KIF1B: variants seen among roughly 807,000 people sequenced by gnomAD.
KIF1B encodes kinesin family member 1B, also known as kinesin-like protein KIF1B.
A neutral mutation model predicts 241.9 loss-of-function variants in KIF1B; 76 were observed. The observed-to-expected ratio is 0.31, with a 90% CI of 0.26 to 0.38. The LOEUF is 0.38. Ranked by LOEUF, KIF1B falls within the 10% of genes least tolerant of loss-of-function variation. The pLI is 1.00. For synonymous variants in KIF1B, 750 were observed against 796.7 expected, an observed-to-expected ratio of 0.94 and a Z score of 0.99; for missense variants, 1,622 against 2,271.4, an observed-to-expected ratio of 0.71 and a Z score of 5.81.
At chr1:10,323,590 C>G (rs1651607460) in intron 24 of KIF1B, among the ~76,000 whole-genome samples, 1 of 152,182 alleles carries the variant, frequency 6.6e-6, no homozygotes, top group African/African-American at 2.4e-5. Flanking sequence ...TCACTGCACC[C>G]AGCCTGGGTG....
At position 10,316,507 on chromosome 1, in the gene KIF1B, T is replaced by C. The variant is rs376411558; in HGVS notation, c.2116-3536T>C. Among the ~76,000 whole-genome samples, 22 of 151,656 alleles carry C rather than the reference T, an allele frequency of 1.5e-4. No individual in the cohort carries two copies. In the South Asian group the frequency reaches 4.1e-3, roughly 29 times the overall value. On this transcript the variant is annotated intron_variant, in intron 22 of 48. Transcript: ENST00000676179. ...GCTTTTTGTTGTTTGTTGCTATTGTTGTTGTTTTTAAGATGGGGTCTCTTG... is the reference window on the plus strand; with the variant it reads ...GCTTTTTGTTGTTTGTTGCTATTGTCGTTGTTTTTAAGATGGGGTCTCTTG...
chr1:10,346,225 T>C (rs1036979001), intron 35 of KIF1B, among the ~76,000 whole-genome samples: 4 of 152,008 alleles, frequency 2.6e-5, no homozygotes, highest in African/African-American at 4.8e-5. Context: ...CGAATTCCAG[T>C]TTTGAATTGA....
chr1:10,341,436 G>A (rs1353733830), intron 32 of KIF1B, among the ~76,000 whole-genome samples: 1 of 152,268 alleles, frequency 6.6e-6, no homozygotes, highest in Non-Finnish European at 1.5e-5. Context: ...GCCTGGGCCA[G>A]TCCTTGGCAC....
chr1:10,350,324 C>T (rs1461656259), intron 37 of KIF1B, among the ~76,000 whole-genome samples: 1 of 151,694 alleles, frequency 6.6e-6, no homozygotes, highest in Non-Finnish European at 1.5e-5. Flanking sequence ...CTTTGGGAGG[C>T]CAAGATGGGC....
intron 1 of KIF1B, among the ~76,000 whole-genome samples, chr1:10,227,498 TAGTCAGATCTAAAGCTTGA>T (rs1380703295): frequency 6.6e-6 from 1 of 152,210 alleles, no homozygotes; most frequent in African/African-American, 2.4e-5. Context: ...TCTAAACTGG[TAGTCAGATCTAAAGCTTGA>T]TTTTATTCAG....
chr1:10,376,344 C>T (rs1171351939), intron 48 of KIF1B, among the ~76,000 whole-genome samples: 1 of 152,272 alleles, frequency 6.6e-6, no homozygotes, highest in South Asian at 2.1e-4. Flanking sequence ...CCTTAATGGT[C>T]TCCCAACCTC....
At chr1:10,253,193 A>G (rs1348368065) in intron 2 of KIF1B, among the ~76,000 whole-genome samples, 1 of 152,076 alleles carries the variant, frequency 6.6e-6, no homozygotes, top group Non-Finnish European at 1.5e-5. Flanking sequence ...AAGAGTGTGA[A>G]CTCTGGAGCC....
At chr1:10,305,246 C>A in intron 22 of KIF1B, 1 of 1,042,750 alleles carries the variant, frequency 9.6e-7, no homozygotes, top group Non-Finnish European at 1.2e-6. Flanking sequence ...ACACAACTTC[C>A]ACGTCTTCTT....
intron 23 of KIF1B, among the ~76,000 whole-genome samples, chr1:10,321,370 C>T (rs1651517516): frequency 6.6e-6 from 1 of 152,084 alleles, no homozygotes; most frequent in Non-Finnish European, 1.5e-5. Context: ...TTCCAAAGTG[C>T]TGGGATTATA....
chr1:10,227,282 C>T (rs188265626), intron 1 of KIF1B, among the ~76,000 whole-genome samples: 2 of 152,208 alleles, frequency 1.3e-5, no homozygotes, highest in African/African-American at 4.8e-5. Flanking sequence ...ATCTACCCAT[C>T]TCAGCCTCCC....
chr1:10,293,796 G>A (rs573096963), intron 17 of KIF1B, among the ~76,000 whole-genome samples: 1 of 152,290 alleles, frequency 6.6e-6, no homozygotes, highest in East Asian at 1.9e-4. Context: ...ATTCCAAAGT[G>A]AGATCTCTGC....
intron 2 of KIF1B, among the ~76,000 whole-genome samples, chr1:10,240,720 C>CTTTTTTTTTTTTTTTTTTTTTTTT (rs771359959): frequency 9.6e-6 from 1 of 103,798 alleles, no homozygotes; most frequent in Admixed American, 1.0e-4. Context: ...ATGGGTAGTT[C>CTTTTTTTTTTTTTTTTTTTTTTTT]ATTTTTTTTT....
intron 38 of KIF1B, among the ~76,000 whole-genome samples, chr1:10,357,071 G>A (rs1638273942): frequency 1.3e-5 from 2 of 152,080 alleles, no homozygotes; most frequent in African/African-American, 4.8e-5. Context: ...GTAGAGACAG[G>A]GTCTCGCTAT....
rs1411659457 is a variant in KIF1B, at chr1:10,316,594, G to A, written c.2116-3449G>A. 7.3e-5 allele frequency among the ~76,000 whole-genome samples: 11 copies of A among 151,218 alleles called. No individual in the cohort carries two copies. The East Asian group carries it at 9.7e-4, about 13-fold the overall frequency. ...CGGCTCACTGCACCCTCCGCCTCCC[G>A]GGCTCAAGTGATCCTCCTACCTCAG... On this transcript the variant is annotated intron_variant, in intron 22 of 48. Transcript: ENST00000676179.
chr1:10,299,724 C>T (rs894581614), intron 22 of KIF1B, among the ~76,000 whole-genome samples: 8 of 152,034 alleles, frequency 5.3e-5, no homozygotes, highest in Admixed American at 5.2e-4. Context: ...GTATTTTCTT[C>T]AGTTAGTGCT....
At chr1:10,250,802 G>T (rs1418252308) in intron 2 of KIF1B, among the ~76,000 whole-genome samples, 1 of 152,202 alleles carries the variant, frequency 6.6e-6, no homozygotes, top group East Asian at 1.9e-4. Context: ...CTCCAGCCTG[G>T]GTGACAGACC....
chr1:10,301,749 C>G (rs1195563660), intron 22 of KIF1B, among the ~76,000 whole-genome samples: 1 of 152,162 alleles, frequency 6.6e-6, no homozygotes, highest in Non-Finnish European at 1.5e-5. Context: ...TTCCCAGCAA[C>G]TTTTATCTCC....
intron 35 of KIF1B, 44 bp from the exon 36 acceptor site, chr1:10,347,717 A>G (rs1050394861): frequency 4.6e-6 from 7 of 1,520,680 alleles, no homozygotes; most frequent in Non-Finnish European, 4.6e-6. Context: ...AGCCTTGCAG[A>G]TGAAGTAGCA....
At chr1:10,348,451 C>T (rs1390989451) in intron 36 of KIF1B, among the ~76,000 whole-genome samples, 198 bp from the exon 37 acceptor site, 1 of 152,102 alleles carries the variant, frequency 6.6e-6, no homozygotes, top group Non-Finnish European at 1.5e-5. Context: ...AAAAGAAAAC[C>T]ATATCAGAAC....
Sources: allele counts gnomAD v4.1 joint callset (sites outside exome capture counted in the v4.1 genomes callset), GRCh38; gene constraint gnomAD v4.1.1; transcripts MANE v1.5; gene names NCBI Gene and HGNC (gene_info 2026-07-23, HGNC 2026-07-21).